Variants in MYO16 observed in about 807,000 individuals in gnomAD.
The protein encoded by MYO16 is myosin XVI, also known as unconventional myosin-XVI.
In MYO16, 94 loss-of-function variants were observed where a neutral mutation model predicts 205.3. The observed-to-expected ratio is 0.46, with a 90% CI of 0.39 to 0.54. The LOEUF (loss-of-function observed/expected upper bound fraction) is 0.54, where lower values mean the gene tolerates loss of function less well. MYO16 is among the 20% of genes least tolerant of loss of function. MYO16 has a pLI of 0.00. For missense variants in MYO16, 2,315 were observed against 2,387.5 expected (o/e 0.97, Z 0.63); for synonymous variants, 988 against 954.0 (o/e 1.04, Z -0.66).
chr13:108,600,650 G>T (rs919594271), intron 1 of MYO16, among the ~76,000 whole-genome samples: 3 of 152,134 alleles, frequency 2.0e-5, no homozygotes, highest in Non-Finnish European at 4.4e-5. Context: ...TAGTGTCATG[G>T]CTGAACTATT....
At chr13:108,533,513 A>C in the MYO16 span, among the ~76,000 whole-genome samples, 8 of 152,174 alleles carry the variant, frequency 5.3e-5, no homozygotes, top group African/African-American at 1.9e-4. Context: ...CCTCAGTAGA[A>C]ATTTTGGACA....
At chr13:109,129,622 T>C (rs1876434272) in intron 31 of MYO16, among the ~76,000 whole-genome samples, 1 of 152,046 alleles carries the variant, frequency 6.6e-6, no homozygotes. Context: ...ACAAGAAAGA[T>C]TTTTGGCAGC....
At chr13:108,897,071 C>CA (rs1018400082) in intron 14 of MYO16, among the ~76,000 whole-genome samples, 5 of 151,936 alleles carry the variant, frequency 3.3e-5, no homozygotes, top group South Asian at 2.1e-4. Flanking sequence ...ATAGTGTTCT[C>CA]AAAAAAACAC....
intron 21 of MYO16, among the ~76,000 whole-genome samples, chr13:109,004,505 A>G: frequency 6.6e-6 from 1 of 152,206 alleles, no homozygotes; most frequent in Non-Finnish European, 1.5e-5. Flanking sequence ...TCTTTTTAAC[A>G]ATTTTTATTT....
At chr13:108,534,745 ACTC>A in the MYO16 span, among the ~76,000 whole-genome samples, 443 of 147,762 alleles carry the variant, frequency 3.0e-3, 3 homozygotes, top group African/African-American at 9.3e-3. Flanking sequence ...TGCTACTACA[ACTC>A]CTCCTCCTCC....
At chr13:109,117,483 TATATATATGTA>T (rs1768698656) in intron 28 of MYO16, among the ~76,000 whole-genome samples, 3 of 147,992 alleles carry the variant, frequency 2.0e-5, no homozygotes, top group African/African-American at 7.4e-5. Flanking sequence ...TATGTATATG[TATATATATGTA>T]ATATATATGT....
At chr13:108,688,518 A>G (rs1882769404) in intron 2 of MYO16, among the ~76,000 whole-genome samples, 1 of 152,154 alleles carries the variant, frequency 6.6e-6, no homozygotes, top group Non-Finnish European at 1.5e-5. Context: ...TTATACTCAA[A>G]TGATTACATG....
chr13:109,102,649 G>A (rs1889008535), intron 28 of MYO16, among the ~76,000 whole-genome samples: 1 of 152,050 alleles, frequency 6.6e-6, no homozygotes, highest in South Asian at 2.1e-4. Context: ...CACAATATCT[G>A]AGCAGTGGTC....
the MYO16 span, among the ~76,000 whole-genome samples, chr13:108,583,323 CA>C: frequency 3.3e-5 from 5 of 152,142 alleles, no homozygotes; most frequent in African/African-American, 1.2e-4. Flanking sequence ...ACTCATGCAT[CA>C]AGTTGACAGA....
At chr13:108,689,467 G>A (rs1349448901) in intron 2 of MYO16, among the ~76,000 whole-genome samples, 1 of 151,970 alleles carries the variant, frequency 6.6e-6, no homozygotes, top group African/African-American at 2.4e-5. Flanking sequence ...ACTTTATTAT[G>A]ATATTGTATT....
chr13:109,023,236 A>C (rs1473337163), intron 23 of MYO16, among the ~76,000 whole-genome samples: 2 of 107,302 alleles, frequency 1.9e-5, no homozygotes, highest in African/African-American at 3.7e-5. Flanking sequence ...TATTATACAG[A>C]TATAAATATA....
chr13:108,560,438 A>G, the MYO16 span, among the ~76,000 whole-genome samples: 1 of 152,202 alleles, frequency 6.6e-6, no homozygotes, highest in Non-Finnish European at 1.5e-5. Context: ...CTGCATTTTA[A>G]AATAGACATT....
chr13:108,657,771 T>C (rs1443071160), intron 1 of MYO16, among the ~76,000 whole-genome samples: 2 of 152,208 alleles, frequency 1.3e-5, no homozygotes, highest in East Asian at 3.8e-4. Context: ...GTATTTACAA[T>C]AATAACTGAC....
chr13:109,150,901 T>C (rs1254745939), intron 32 of MYO16, among the ~76,000 whole-genome samples: 1 of 152,214 alleles, frequency 6.6e-6, no homozygotes, highest in Non-Finnish European at 1.5e-5. Context: ...CTTAAGCAAG[T>C]TAATAAAGAC....
chr13:108,595,420 G>T (rs1393837961), upstream of MYO16, among the ~76,000 whole-genome samples: 1 of 152,102 alleles, frequency 6.6e-6, no homozygotes, highest in Non-Finnish European at 1.5e-5. Context: ...CTTACAGCTT[G>T]CTCTTGAGTT....
At chr13:108,715,754 A>G (rs555102114) in intron 3 of MYO16, among the ~76,000 whole-genome samples, 50 of 152,312 alleles carry the variant, frequency 3.3e-4, no homozygotes, top group Non-Finnish European at 5.7e-4. Flanking sequence ...CAATGGGGCC[A>G]CAATTATTTT....
intron 32 of MYO16, chr13:109,164,126 G>A (rs537309832): frequency 1.3e-5 from 2 of 152,254 alleles, no homozygotes; most frequent in Non-Finnish European, 2.9e-5. Flanking sequence ...TGGCAGAGGT[G>A]GTGATGGGGG....
At chr13:108,506,175 T>C in the MYO16 span, among the ~76,000 whole-genome samples, 1 of 152,102 alleles carries the variant, frequency 6.6e-6, no homozygotes, top group Non-Finnish European at 1.5e-5. Flanking sequence ...AATTTCAGAA[T>C]TTCTTTTCAA....
intron 2 of MYO16, among the ~76,000 whole-genome samples, chr13:108,682,240 T>A (rs1882491210): frequency 6.6e-6 from 1 of 152,210 alleles, no homozygotes; most frequent in Admixed American, 6.5e-5. Context: ...CTCAATCATC[T>A]CTGTTGAGAA....
Sources: allele counts gnomAD v4.1 joint callset (sites outside exome capture counted in the v4.1 genomes callset), GRCh38; gene constraint gnomAD v4.1.1; transcripts MANE v1.5; gene names NCBI Gene and HGNC (gene_info 2026-07-23, HGNC 2026-07-21).